Variants in THSD4 observed in about 807,000 individuals in gnomAD.
THSD4 encodes the protein thrombospondin type 1 domain containing 4.
In THSD4, 69 loss-of-function variants were observed where a neutral mutation model predicts 119.0. That is an observed-to-expected ratio of 0.58 (90% confidence interval 0.48 to 0.71). THSD4 has a LOEUF of 0.71. Ranked by LOEUF, THSD4 falls within the 30% of genes least tolerant of loss-of-function variation. THSD4 has a pLI of 0.00. For missense variants in THSD4, 1,393 were observed against 1,391.1 expected (o/e 1.00, Z -0.02); for synonymous variants, 524 against 540.4 (o/e 0.97, Z 0.42).
chr15:71,192,510 T>C (rs1322078535), intron 3 of THSD4, among the ~76,000 whole-genome samples: 1 of 152,118 alleles, frequency 6.6e-6, no homozygotes, highest in Admixed American at 6.6e-5. Flanking sequence ...CTTGAACTCC[T>C]GGCCTCAAGT....
chr15:71,536,001 C>T (rs569952948), intron 7 of THSD4, among the ~76,000 whole-genome samples: 11 of 152,160 alleles, frequency 7.2e-5, no homozygotes, highest in Non-Finnish European at 1.5e-4. Context: ...AAACCATCAC[C>T]TAACCCAAGC....
intron 17 of THSD4, among the ~76,000 whole-genome samples, chr15:71,774,101 C>T (rs1260291526): frequency 6.6e-6 from 1 of 151,990 alleles, no homozygotes; most frequent in Non-Finnish European, 1.5e-5. Context: ...TCACTTGGGC[C>T]AGGAGTTTGA....
At chr15:71,329,279 G>A (rs2140370944) in intron 6 of THSD4, among the ~76,000 whole-genome samples, 1 of 152,324 alleles carries the variant, frequency 6.6e-6, no homozygotes, top group South Asian at 2.1e-4. Flanking sequence ...GCCAGGCTGA[G>A]TGTGAGGTCA....
intron 7 of THSD4, among the ~76,000 whole-genome samples, chr15:71,648,608 A>G (rs2051019154): frequency 6.6e-6 from 1 of 152,224 alleles, no homozygotes; most frequent in Non-Finnish European, 1.5e-5. Flanking sequence ...GTCCCAGAGC[A>G]TTATTGAAAT....
intron 5 of THSD4, among the ~76,000 whole-genome samples, chr15:71,252,664 GA>G (rs2044273002): frequency 6.6e-6 from 1 of 152,192 alleles, no homozygotes; most frequent in Non-Finnish European, 1.5e-5. Context: ...ATGGATTCTA[GA>G]TGCAAAGTGT....
intron 1 of THSD4, among the ~76,000 whole-genome samples, chr15:71,117,475 C>A (rs2040373082): frequency 6.6e-6 from 1 of 152,114 alleles, no homozygotes; most frequent in Admixed American, 6.5e-5. Context: ...CTGGGAGTCT[C>A]AATGTTTAAA....
chr15:71,323,711 A>G (rs773260900), intron 6 of THSD4, among the ~76,000 whole-genome samples: 4 of 152,204 alleles, frequency 2.6e-5, no homozygotes, highest in Non-Finnish European at 5.9e-5. Context: ...TTGGCAGAAC[A>G]CCAGAGTAAT....
intron 5 of THSD4, among the ~76,000 whole-genome samples, chr15:71,244,112 C>T (rs536117665): frequency 5.9e-4 from 90 of 152,120 alleles, no homozygotes; most frequent in Non-Finnish European, 8.8e-4. Flanking sequence ...CTACTAACTC[C>T]ATTTCATCTC....
chr15:71,156,260 CT>C (rs1194104436), intron 3 of THSD4, among the ~76,000 whole-genome samples: 301 of 141,472 alleles, frequency 2.1e-3, no homozygotes, highest in Middle Eastern at 3.7e-3. Flanking sequence ...AGGGGGTTTT[CT>C]TTTTTTTTTT....
intron 7 of THSD4, among the ~76,000 whole-genome samples, chr15:71,412,205 A>C (rs753745278): frequency 1.3e-5 from 2 of 152,202 alleles, no homozygotes; most frequent in Non-Finnish European, 2.9e-5. Context: ...TGGCATTTTA[A>C]GGGAATGGCA....
chr15:71,688,273 A>T (rs1469450740), intron 8 of THSD4, among the ~76,000 whole-genome samples: 1 of 152,218 alleles, frequency 6.6e-6, no homozygotes, highest in Non-Finnish European at 1.5e-5. Context: ...TAGTTCCCAA[A>T]GGTTACAAAG....
chr15:71,173,193 A>G (rs1029939058), intron 3 of THSD4, among the ~76,000 whole-genome samples: 1 of 152,182 alleles, frequency 6.6e-6, no homozygotes, highest in Non-Finnish European at 1.5e-5. Flanking sequence ...TACAAGGTCA[A>G]CATGCAAAAA....
In THSD4 at chr15:71,583,994, G is replaced by A. The variant is rs369060268; in HGVS notation, c.1153-76536G>A. ...TGGATGATCTGTTTACTGTTAGTTA[G>A]ACTGGGGTACTAAAGGCCCCTATTA... On this transcript the variant is annotated intron_variant, in intron 7 of 17. Coordinates refer to ENST00000261862, the MANE Select transcript of THSD4 (RefSeq NM_024817.3). Among the ~76,000 whole-genome samples the A allele has an allele frequency of 3.3e-5, 5 of 152,212 alleles. No individual in the cohort carries two copies. In the East Asian group the frequency reaches 9.7e-4, roughly 29 times the overall value.
chr15:71,163,265 A>T (rs2043263291), intron 3 of THSD4, among the ~76,000 whole-genome samples: 1 of 150,776 alleles, frequency 6.6e-6, no homozygotes, highest in African/African-American at 2.4e-5. Flanking sequence ...TTTTTTTTTT[A>T]AACCTCTGCA....
chr15:71,275,370 GT>G (rs2044577823), intron 6 of THSD4, among the ~76,000 whole-genome samples: 1 of 152,266 alleles, frequency 6.6e-6, no homozygotes, highest in East Asian at 1.9e-4. Context: ...TTGTAGCACA[GT>G]TCTCTCACTC....
chr15:71,333,824 T>C (rs1323777897), intron 6 of THSD4, among the ~76,000 whole-genome samples: 26 of 152,204 alleles, frequency 1.7e-4, no homozygotes, highest in African/African-American at 2.4e-5. Context: ...CGGGGCTTAG[T>C]AGATGCTTAT....
intron 13 of THSD4, among the ~76,000 whole-genome samples, chr15:71,747,337 TAG>T (rs1442683324): frequency 6.6e-6 from 1 of 152,182 alleles, no homozygotes; most frequent in Non-Finnish European, 1.5e-5. Flanking sequence ...CAACTGCTGG[TAG>T]AGCCAACTCC....
intron 6 of THSD4, among the ~76,000 whole-genome samples, chr15:71,380,749 A>G (rs2046218085): frequency 1.3e-5 from 2 of 150,752 alleles, no homozygotes; most frequent in African/African-American, 4.8e-5. Context: ...CTGGCAACAC[A>G]TGTCATAGCA....
chr15:71,321,607 T>C (rs1427221973), intron 6 of THSD4, among the ~76,000 whole-genome samples: 1 of 152,174 alleles, frequency 6.6e-6, no homozygotes, highest in Admixed American at 6.5e-5. Flanking sequence ...CTTTTAAAAT[T>C]GTTTTCCCTT....
Sources: gnomAD v4.1 joint callset for allele counts (sites outside exome capture counted in the v4.1 genomes callset) on GRCh38, gnomAD v4.1.1 for gene constraint, MANE v1.5 for transcripts, NCBI Gene and HGNC (gene_info 2026-07-23, HGNC 2026-07-21) for gene names.